Variants in NGEF observed in about 807,000 individuals in gnomAD.
NGEF encodes the protein neuronal guanine nucleotide exchange factor.
NGEF carries 31 observed loss-of-function variants against 80.9 expected under a neutral mutation model. That is an observed-to-expected ratio of 0.38 (90% CI 0.29 to 0.52). The LOEUF is 0.52. NGEF is among the 20% of genes least tolerant of loss of function. NGEF has a pLI of 0.84. For missense variants in NGEF, 709 were observed against 926.2 expected, an observed-to-expected ratio of 0.77 and a Z score of 3.04; for synonymous variants, 371 against 370.2, an observed-to-expected ratio of 1.00 and a Z score of -0.03.
chr2:232,887,999 A>G (rs376005002), intron 9 of NGEF, 34 bp downstream of exon 9: 678 of 1,559,506 alleles, frequency 4.3e-4, no homozygotes, highest in Non-Finnish European at 5.6e-4. Flanking sequence ...AAAACAGTGC[A>G]TTGGGATACA....
intron 3 of NGEF, among the ~76,000 whole-genome samples, chr2:232,962,390 A>C (rs1212709108): frequency 6.6e-6 from 1 of 150,728 alleles, no homozygotes; most frequent in African/African-American, 2.5e-5. Context: ...TACAACAACA[A>C]CAACAAAAAT....
In NGEF at chr2:232,966,862, G is replaced by A. The variant is rs573619078; in HGVS notation, c.383+3352C>T. 6.6e-4 allele frequency among the ~76,000 whole-genome samples: 101 copies of A among 152,088 alleles called. 2 individuals are homozygous for A. Among genetic ancestry groups the A allele is most frequent in the Non-Finnish European group, 1.1e-3 (75 of 68,032 alleles). ...TGATACCCTCCAGTGAGGGTGGGGG[G>A]GGAGGCGGGTGAGGAGCTAAGGTGG... On this transcript the variant is annotated intron_variant, in intron 3 of 14. Transcript: ENST00000264051.
At chr2:232,979,341 A>G (rs1198823782) in intron 1 of NGEF, among the ~76,000 whole-genome samples, 1 of 147,064 alleles carries the variant, frequency 6.8e-6, no homozygotes, top group Non-Finnish European at 1.5e-5. Flanking sequence ...AGATCTTACC[A>G]CCTTTGAGAT....
At chr2:233,012,479 G>C (rs1695231721) in intron 1 of NGEF, 1 of 202,426 alleles carries the variant, frequency 4.9e-6, no homozygotes, top group Admixed American at 5.3e-5. Context: ...GCAGTGCTGG[G>C]GGAGCTAAAG....
chr2:233,008,414 C>A (rs549903778), intron 1 of NGEF, among the ~76,000 whole-genome samples: 1 of 152,162 alleles, frequency 6.6e-6, no homozygotes, highest in Non-Finnish European at 1.5e-5. Flanking sequence ...AGGGATTTGG[C>A]CTTCATGGAG....
At chr2:232,964,372 T>C (rs1170184671) in intron 3 of NGEF, among the ~76,000 whole-genome samples, 6 of 152,030 alleles carry the variant, frequency 3.9e-5, no homozygotes, top group Admixed American at 3.3e-4. Flanking sequence ...GATAAGCAAA[T>C]TGTGGCAATA....
chr2:232,879,761 C>A, intron 14 of NGEF, 82 bp from the exon 15 acceptor site: 1 of 1,373,100 alleles, frequency 7.3e-7, no homozygotes. Flanking sequence ...GCCAGGGCCC[C>A]CATCTGTGGC....
intron 1 of NGEF, among the ~76,000 whole-genome samples, chr2:232,977,949 G>T (rs926958029): frequency 6.6e-6 from 1 of 152,172 alleles, no homozygotes; most frequent in African/African-American, 2.4e-5. Flanking sequence ...TGGGTGCCTG[G>T]CGGAATGCCA....
chr2:232,966,846 C>T (rs1158331743), intron 3 of NGEF, among the ~76,000 whole-genome samples: 6 of 152,048 alleles, frequency 3.9e-5, no homozygotes, highest in African/African-American at 9.7e-5. Flanking sequence ...TTGATACCCT[C>T]CAGTGAGGGT....
At position 232,927,148 on chromosome 2, in the gene NGEF, T is replaced by C. The variant is rs1693089375; in HGVS notation, c.422A>G (p.Glu141Gly). 1 of 1,608,698 alleles carries C rather than the reference T, an allele frequency of 6.2e-7. No homozygotes were observed. The highest frequency in any genetic ancestry group is 8.5e-7 in the Non-Finnish European group (1 of 1,178,060). Residue 141 changes from glutamate (E) to glycine (G), a missense_variant, in exon 4 of 15, where the codon GAG becomes GGG. Physicochemically the swap from Glu to Gly is moderately conservative, Grantham distance 98. Around this residue, in one of 2 missense-constraint regions of NGEF, gnomAD observed 283 missense variants for 303.4 expected, o/e 0.93. Coordinates refer to ENST00000264051, the MANE Select transcript of NGEF (RefSeq NM_019850.3). ...GCTGTCGGCCAGGGCCGGCCACTCC[T>C]CGGGCGTGGCCCCATTTCCCGGGGT... ...SSTPGNGATPEEWPALADSPT... is the reference protein window; with the variant it reads ...SSTPGNGATPGEWPALADSPT...
chr2:232,987,591 G>A (rs72980020), intron 1 of NGEF, among the ~76,000 whole-genome samples: 31,741 of 152,068 alleles, frequency 0.21, 4,102 homozygotes, highest in Non-Finnish European at 0.29. Flanking sequence ...GAAGCTCATA[G>A]GGCTGTGGAA....
chr2:232,881,084 C>G (rs567760410), intron 14 of NGEF, 62 bp downstream of exon 14: 1 of 1,330,924 alleles, frequency 7.5e-7, no homozygotes, highest in East Asian at 2.3e-5. Context: ...TCTCCCCCTC[C>G]CCGTCATCCC....
At chr2:232,894,969 C>A in intron 5 of NGEF, 53 bp from the exon 6 acceptor site, 1 of 1,511,848 alleles carries the variant, frequency 6.6e-7, no homozygotes, top group Non-Finnish European at 9.0e-7. Flanking sequence ...TCCACGAAGG[C>A]GCTAGCCTTG....
intron 1 of NGEF, among the ~76,000 whole-genome samples, chr2:233,005,310 G>T (rs1424521049): frequency 2.6e-5 from 4 of 152,192 alleles, no homozygotes; most frequent in African/African-American, 7.2e-5. Context: ...GTGCAGTGGG[G>T]GAGCAGTGCC....
chr2:232,910,389 T>G (rs988774971), intron 5 of NGEF, among the ~76,000 whole-genome samples: 20 of 145,902 alleles, frequency 1.4e-4, no homozygotes, highest in Non-Finnish European at 3.0e-4. Context: ...AATACAGCTG[T>G]AAATATAGAT....
intron 3 of NGEF, 105 bp from the exon 4 acceptor site, chr2:232,927,291 CT>C: frequency 7.7e-7 from 1 of 1,306,356 alleles, no homozygotes; most frequent in Non-Finnish European, 1.0e-6. Context: ...CCAGCCGGAC[CT>C]TACCCGGGAC....
At chr2:232,897,134 TG>T (rs1692123414) in intron 5 of NGEF, among the ~76,000 whole-genome samples, 1 of 36,970 alleles carries the variant, frequency 2.7e-5, no homozygotes, top group Admixed American at 3.6e-4. Context: ...GGGTAGGGGG[TG>T]GAGGTGGGGG....
chr2:232,888,518 T>C (rs993256523), intron 8 of NGEF, among the ~76,000 whole-genome samples: 21 of 148,704 alleles, frequency 1.4e-4, no homozygotes, highest in Non-Finnish European at 2.8e-4. Context: ...CATACAAGCA[T>C]GTGTGCGCAC....
intron 1 of NGEF, among the ~76,000 whole-genome samples, chr2:233,005,129 A>T (rs770000943): frequency 6.6e-6 from 1 of 152,132 alleles, no homozygotes; most frequent in African/African-American, 2.4e-5. Context: ...TCTGCGGGCA[A>T]CCATTAGCAT....
Sources: gnomAD v4.1 joint callset for allele counts (sites outside exome capture counted in the v4.1 genomes callset) on GRCh38, gnomAD v4.1.1 for gene constraint, gnomAD v4.1.1 regional missense constraint, MANE v1.5 for transcripts, NCBI Gene and HGNC (gene_info 2026-07-23, HGNC 2026-07-21) for gene names.